The following CNTNAP2 variants were observed in gnomAD, a reference collection of about 807,000 sequenced individuals.
CNTNAP2 encodes the protein contactin associated protein 2.
CNTNAP2 carries 98 observed loss-of-function variants against 155.2 expected under a neutral mutation model. The ratio of observed to expected loss-of-function variants is 0.63; its 90% CI spans 0.54 to 0.75. The LOEUF is 0.75. Among genes scored for constraint, CNTNAP2 ranks in the 30% least tolerant of loss-of-function variants. The pLI is 0.00. For synonymous variants in CNTNAP2, 651 were observed against 631.2 expected (o/e 1.03, Z -0.47); for missense variants, 1,727 against 1,688.1 (o/e 1.02, Z -0.40).
intron 1 of CNTNAP2, among the ~76,000 whole-genome samples, chr7:146,275,403 A>G (rs1800148117): frequency 6.6e-6 from 1 of 152,224 alleles, no homozygotes; most frequent in Non-Finnish European, 1.5e-5. Flanking sequence ...TTTCTTATTC[A>G]GAATGATCAA....
Position 147,722,230 on chromosome 7 carries a change from A to G in CNTNAP2, c.2098+82924A>G, listed in dbSNP as rs146841037. On this transcript the variant is annotated intron_variant, in intron 13 of 23. Coordinates refer to ENST00000361727, the MANE Select transcript of CNTNAP2 (RefSeq NM_014141.6). ...TCCCACTCTTCTAATTTTATTTGTC[A>G]GTAACATGTTCCAGTTTCTGAGATC... Among the ~76,000 whole-genome samples, 122 of 152,272 alleles carry G rather than the reference A, an allele frequency of 8.0e-4. No individual in the cohort carries two copies. In the Middle Eastern group the frequency reaches 0.017, roughly 21 times the overall value.
Position 146,721,363 on chromosome 7 carries a change from C to T in CNTNAP2, c.98-52908C>T, listed in dbSNP as rs182350653. 4.0e-3 allele frequency among the ~76,000 whole-genome samples: 471 copies of T among 117,570 alleles called. 7 individuals carry two copies. The highest frequency in any genetic ancestry group is 0.015 in the African/African-American group (441 of 29,262). 77.1% of individuals were successfully genotyped at this position (117,570 alleles called of 152,430 possible). On this transcript the variant is annotated intron_variant, in intron 1 of 23. Transcript: ENST00000361727. ...ACATTCTATATATACATTCTATATA[C>T]ATTCTATATATACATTCTATATACA...
intron 10 of CNTNAP2, among the ~76,000 whole-genome samples, chr7:147,403,791 T>C (rs1345158178): frequency 6.6e-6 from 1 of 152,164 alleles, no homozygotes; most frequent in Non-Finnish European, 1.5e-5. Flanking sequence ...TGTATAACCA[T>C]TGATCCACTG....
intron 1 of CNTNAP2, among the ~76,000 whole-genome samples, chr7:146,673,769 A>T (rs1360511033): frequency 6.6e-6 from 1 of 151,844 alleles, no homozygotes; most frequent in Non-Finnish European, 1.5e-5. Context: ...TTTTCTAGAG[A>T]TAGAGGTCTT....
chr7:147,320,176 C>T (rs536766569), intron 9 of CNTNAP2, among the ~76,000 whole-genome samples: 18 of 152,262 alleles, frequency 1.2e-4, no homozygotes, highest in African/African-American at 4.1e-4. Flanking sequence ...CCATTCCATA[C>T]AGCAGGAAGA....
chr7:146,404,709 C>G (rs151261140), intron 1 of CNTNAP2, among the ~76,000 whole-genome samples: 35 of 152,156 alleles, frequency 2.3e-4, no homozygotes, highest in African/African-American at 7.9e-4. Flanking sequence ...CCCTTCCTTG[C>G]CCCTCCCTTC....
intron 10 of CNTNAP2, among the ~76,000 whole-genome samples, chr7:147,466,413 G>T (rs912501259): frequency 6.6e-6 from 1 of 152,072 alleles, no homozygotes; most frequent in Non-Finnish European, 1.5e-5. Flanking sequence ...GATGTTTTTA[G>T]GTTTTATGGC....
chr7:146,477,509 A>G (rs1469448670), intron 1 of CNTNAP2, among the ~76,000 whole-genome samples: 2 of 152,132 alleles, frequency 1.3e-5, no homozygotes, highest in African/African-American at 4.8e-5. Context: ...ATCATTTTAC[A>G]TAATACATGG....
chr7:146,605,763 TA>T (rs1799036298), intron 1 of CNTNAP2, among the ~76,000 whole-genome samples: 2 of 152,172 alleles, frequency 1.3e-5, no homozygotes, highest in African/African-American at 4.8e-5. Context: ...ATAACTGGCA[TA>T]GTGATACGAC....
intron 1 of CNTNAP2, among the ~76,000 whole-genome samples, chr7:146,170,951 T>C (rs577252532): frequency 3.9e-4 from 60 of 151,924 alleles, no homozygotes; most frequent in Non-Finnish European, 7.5e-4. Context: ...CGCATGAACC[T>C]GGGGGGCGGA....
At chr7:147,019,858 G>A (rs1017690445) in intron 3 of CNTNAP2, among the ~76,000 whole-genome samples, 1 of 152,092 alleles carries the variant, frequency 6.6e-6, no homozygotes, top group African/African-American at 2.4e-5. Flanking sequence ...AGAGATAGTT[G>A]CTGATAGAGG....
intron 19 of CNTNAP2, among the ~76,000 whole-genome samples, chr7:148,221,218 GT>G (rs1227048406): frequency 6.6e-6 from 1 of 152,146 alleles, no homozygotes. Flanking sequence ...AGCTCACTTT[GT>G]GCCCAAAGCC....
chr7:146,598,413 T>C (rs1177464541), intron 1 of CNTNAP2, among the ~76,000 whole-genome samples: 1 of 152,022 alleles, frequency 6.6e-6, no homozygotes, highest in Non-Finnish European at 1.5e-5. Context: ...GGAGAGTTAT[T>C]TTTTATACTC....
At chr7:146,770,077 C>A (rs1221595051) in intron 1 of CNTNAP2, among the ~76,000 whole-genome samples, 1 of 152,126 alleles carries the variant, frequency 6.6e-6, no homozygotes, top group East Asian at 1.9e-4. Context: ...ACTCAACTAA[C>A]AACAACCCTA....
At chr7:147,898,516 A>G (rs960955740) in intron 13 of CNTNAP2, among the ~76,000 whole-genome samples, 1 of 148,002 alleles carries the variant, frequency 6.8e-6, no homozygotes, top group Non-Finnish European at 1.5e-5. Flanking sequence ...TAACCCATAT[A>G]CCCAGATTTT....
At chr7:146,179,747 T>C (rs1400126527) in intron 1 of CNTNAP2, among the ~76,000 whole-genome samples, 1 of 152,128 alleles carries the variant, frequency 6.6e-6, no homozygotes, top group Non-Finnish European at 1.5e-5. Context: ...GGATAAATGC[T>C]TCAGACCTTT....
chr7:146,319,833 A>G (rs1347013000), intron 1 of CNTNAP2, among the ~76,000 whole-genome samples: 1 of 149,612 alleles, frequency 6.7e-6, no homozygotes, highest in Non-Finnish European at 1.5e-5. Context: ...TCGTTCGGGC[A>G]TGGCTGTGTT....
intron 1 of CNTNAP2, among the ~76,000 whole-genome samples, chr7:146,200,093 C>G (rs779158745): frequency 7.2e-5 from 11 of 152,136 alleles, no homozygotes; most frequent in Non-Finnish European, 1.5e-4. Context: ...TAACTGTTTT[C>G]TTTTTCCAAG....
chr7:148,279,842 G>T (rs1036398160), intron 21 of CNTNAP2, among the ~76,000 whole-genome samples: 4 of 152,166 alleles, frequency 2.6e-5, no homozygotes, highest in Non-Finnish European at 5.9e-5. Context: ...AATCTCTAGA[G>T]AATCGTGCCA....
Sources: gnomAD v4.1 joint callset for allele counts (sites outside exome capture counted in the v4.1 genomes callset) on GRCh38, gnomAD v4.1.1 for gene constraint, MANE v1.5 for transcripts, NCBI Gene and HGNC (gene_info 2026-07-23, HGNC 2026-07-21) for gene names.